Variants in CADM4 observed in about 807,000 individuals in gnomAD.
CADM4 encodes cell adhesion molecule 4.
In CADM4, 13 loss-of-function variants were observed where a neutral mutation model predicts 43.9. The ratio of observed to expected loss-of-function variants is 0.30; its 90% CI spans 0.19 to 0.47. The LOEUF (loss-of-function observed/expected upper bound fraction) is 0.47. Ranked by LOEUF, CADM4 falls within the 20% of genes least tolerant of loss-of-function variation. The pLI is 1.00. For missense variants in CADM4, 420 were observed against 527.0 expected (o/e 0.80, Z 1.99); for synonymous variants, 209 against 220.9 (o/e 0.95, Z 0.48).
In CADM4 at chr19:43,632,475, G is replaced by A. The variant is rs115802348; in HGVS notation, c.65-4685C>T. ...GCTTAAAACCCTCCGAGGGCTGCCC[G>A]TAACATGTAGAATAAAATAGAGACC... is the stretch of plus-strand genomic sequence containing the variant. On this transcript the variant is annotated intron_variant, in intron 1 of 8. Coordinates refer to ENST00000222374, the MANE Select transcript of CADM4 (RefSeq NM_145296.2). 7.9e-3 allele frequency among the ~76,000 whole-genome samples: 1,205 copies of A among 152,238 alleles called. 20 individuals are homozygous for A. Among genetic ancestry groups the A allele is most frequent in the African/African-American group, 0.027 (1,128 of 41,520 alleles).
At chr19:43,630,662 G>A (rs141059346) in intron 1 of CADM4, among the ~76,000 whole-genome samples, 2 of 152,240 alleles carry the variant, frequency 1.3e-5, no homozygotes, top group East Asian at 1.9e-4. Flanking sequence ...AAGAGTGGCA[G>A]TGCCAAAATC....
intron 1 of CADM4, among the ~76,000 whole-genome samples, chr19:43,635,295 A>G (rs981786529): frequency 6.6e-6 from 1 of 150,980 alleles, no homozygotes; most frequent in African/African-American, 2.4e-5. Flanking sequence ...GGGAGGTGGT[A>G]CATCCCTGCG....
Position 43,627,882 on chromosome 19 carries a change from A to G in CADM4, c.65-92T>C. 1 of 1,254,190 alleles carries G rather than the reference A, an allele frequency of 8.0e-7. No individual in the cohort carries two copies. The highest frequency in any genetic ancestry group is 1.4e-5 in the South Asian group (1 of 73,840). 77.7% of individuals were successfully genotyped at this position (1,254,190 alleles called of 1,614,324 possible). ...TCCCTCTTCCCCATCCAAACCTCCA[A>G]TCCCTCTCTTTCCCCTCATTCATTC... On this transcript the variant is annotated intron_variant, in intron 1 of 8. Transcript: ENST00000222374. The surrounding 1 kb of genome is among the most constrained non-coding windows in gnomAD (Gnocchi z 4.0).
rs560475570 is a variant in CADM4, at chr19:43,625,649, G to A, written c.755+262C>T. Among the ~76,000 whole-genome samples the A allele has an allele frequency of 6.6e-5, 10 of 152,192 alleles. No individual in the cohort carries two copies. The highest frequency in any genetic ancestry group is 2.2e-4 in the African/African-American group (9 of 41,524). On this transcript the variant is annotated intron_variant, in intron 6 of 8. Coordinates refer to ENST00000222374, the MANE Select transcript of CADM4 (RefSeq NM_145296.2). The surrounding 1 kb of genome is among the most constrained non-coding windows in gnomAD (Gnocchi z 4.5). ...CATCCTCAGCAACCAGGAGTCTGAG[G>A]CTGCACAGCTTCAGTATTGGGGAGT... is the stretch of plus-strand genomic sequence containing the variant.
Position 43,627,909 on chromosome 19 carries a change from A to T in CADM4, c.65-119T>A. 1.0e-6 allele frequency: 1 copy of T among 997,944 alleles called. No homozygotes were observed. Among genetic ancestry groups the T allele is most frequent in the Admixed American group, 2.1e-5 (1 of 47,706 alleles). 61.8% of individuals were successfully genotyped at this position (997,944 alleles called of 1,614,324 possible). On this transcript the variant is annotated intron_variant, in intron 1 of 8. Coordinates refer to ENST00000222374, the MANE Select transcript of CADM4 (RefSeq NM_145296.2). The surrounding 1 kb of genome is among the most constrained non-coding windows in gnomAD (Gnocchi z 4.0). Reference sequence around the variant, plus strand: ...CCCTCTCTTTCCCCTCATTCATTCCATTGCACTGAACATTTCCTGCAGGCT... The same window carrying T: ...CCCTCTCTTTCCCCTCATTCATTCCTTTGCACTGAACATTTCCTGCAGGCT...
chr19:43,626,186 G>C lies in CADM4; in HGVS notation c.602C>G (p.Ala201Gly), dbSNP rs202129427. 6.6e-5 allele frequency: 106 copies of C among 1,613,852 alleles called. 2 individuals carry two copies. In the East Asian group the frequency reaches 2.1e-3, roughly 32 times the overall value. The change falls in exon 5 of 9, where the codon GCG becomes GGG. Residue 201 changes from alanine to glycine, a missense_variant. Ala to Gly is a moderately conservative substitution (Grantham distance 60). Transcript: ENST00000222374. This position sits in a 1 kb window ranked among gnomAD's most constrained non-coding sequence, Gnocchi z 5.9. Reference protein sequence around the residue: ...KDDGGIIICEAQNQALPSGHS... With the variant: ...KDDGGIIICEGQNQALPSGHS... ...TCCGGAGGGCAGCGCCTGGTTCTGC[G>C]CCTCACAGATGATGATACCACCGTC... is the stretch of plus-strand genomic sequence containing the variant.
Position 43,625,033 on chromosome 19 carries a change from C to G in CADM4, c.928+45G>C, listed in dbSNP as rs1973499814. ...TTTGCTCAAGCCCCGCCCCCGCCAC[C>G]TGGCGCCCCGCCCCCGCCCTCAGTC... On this transcript the variant is annotated intron_variant, in intron 7 of 8. Coordinates refer to ENST00000222374, the MANE Select transcript of CADM4 (RefSeq NM_145296.2). This position sits in a 1 kb window ranked among gnomAD's most constrained non-coding sequence, Gnocchi z 4.5. The G allele has an allele frequency of 7.1e-7, 1 of 1,400,582 alleles. No homozygotes were observed. Among genetic ancestry groups the G allele is most frequent in the Non-Finnish European group, 9.5e-7 (1 of 1,050,688 alleles). 86.8% of individuals were successfully genotyped at this position (1,400,582 alleles called of 1,614,324 possible).
Position 43,639,793 on chromosome 19 carries a change from T to G in CADM4, c.-3A>C. On this transcript the variant is annotated 5_prime_UTR_variant, in exon 1 of 9. Coordinates refer to ENST00000222374, the MANE Select transcript of CADM4 (RefSeq NM_145296.2). ...TGGAAGCGCCGGGCCCGGCCCATGG[T>G]GCCGCCGCCGCCGCCGCCGCCGCTC... 1 of 997,332 alleles carries G rather than the reference T, an allele frequency of 1.0e-6. No homozygotes were observed. Among genetic ancestry groups the G allele is most frequent in the Non-Finnish European group, 1.2e-6 (1 of 842,634 alleles). The allele number at this position is 997,332 out of a possible 1,614,324, so 61.8% of individuals were successfully genotyped here.
At chr19:43,633,025 T>C (rs112870666) in intron 1 of CADM4, among the ~76,000 whole-genome samples, 25,866 of 148,982 alleles carry the variant, frequency 0.17, 2,453 homozygotes, top group East Asian at 0.22. Context: ...TGAGCCGAGA[T>C]TGAGCCACTG....
rs2146131114 is a variant in CADM4 at position 43,622,679 on chromosome 19, A to G, written c.*651T>C. On this transcript the variant is annotated 3_prime_UTR_variant, in exon 9 of 9. Coordinates refer to ENST00000222374, the MANE Select transcript of CADM4 (RefSeq NM_145296.2). ...CCCCCCCAGGAGTGGGTGGACAGAG[A>G]GACAAATATGGATGGGACAGACGTT... 1 of 152,412 alleles carries G rather than the reference A, an allele frequency of 6.6e-6. No homozygotes were observed. The highest frequency in any genetic ancestry group is 1.9e-4 in the East Asian group (1 of 5,148). 9.4% of individuals were successfully genotyped at this position (152,412 alleles called of 1,614,324 possible). A position where few individuals can be genotyped will look rare whatever the true frequency, so the allele number is the denominator to read the frequency against.
Position 43,627,045 on chromosome 19 carries a change from G to A in CADM4, c.364+121C>T. The A allele has an allele frequency of 6.7e-7, 1 of 1,483,158 alleles. No individual in the cohort carries two copies. Among genetic ancestry groups the A allele is most frequent in the Non-Finnish European group, 9.0e-7 (1 of 1,106,092 alleles). The allele number at this position is 1,483,158 out of a possible 1,614,324, so 91.9% of individuals were successfully genotyped here. A position where few individuals can be genotyped will look rare whatever the true frequency, so the allele number is the denominator to read the frequency against. On this transcript the variant is annotated intron_variant, in intron 3 of 8. Transcript: ENST00000222374. The surrounding 1 kb of genome is among the most constrained non-coding windows in gnomAD (Gnocchi z 4.0). ...CAGGTGGCAGGGGTCAAAGGGGAGA[G>A]GTCAGGAGCCAGATGCCCATCCAGG... is the stretch of plus-strand genomic sequence containing the variant.
intron 1 of CADM4, among the ~76,000 whole-genome samples, chr19:43,638,889 TAGAG>T (rs1286866154): frequency 1.3e-5 from 2 of 151,610 alleles, no homozygotes; most frequent in African/African-American, 2.4e-5. Flanking sequence ...CACAGAGGGA[TAGAG>T]AGAGGGAGGA....
Position 43,625,947 on chromosome 19 carries a change from G to T in CADM4, c.719C>A (p.Thr240Lys). ...CGTGACAGCACACGTCAACACCAGCGTGTCTCCCTCCCTCACCACAGCTTG... is the reference window on the plus strand; with the variant it reads ...CGTGACAGCACACGTCAACACCAGCTTGTCTCCCTCCCTCACCACAGCTTG... ...ASQAVVREGDTLVLTCAVTGN... is the reference protein window; with the variant it reads ...ASQAVVREGDKLVLTCAVTGN... The change falls in exon 6 of 9, where the codon ACG (threonine) becomes AAG (lysine). Residue 240 changes from threonine (T) to lysine (K), a missense_variant. By Grantham distance (78) the Thr-to-Lys change is moderately conservative. Transcript: ENST00000222374. This position sits in a 1 kb window ranked among gnomAD's most constrained non-coding sequence, Gnocchi z 4.5. 1 of 1,614,162 alleles carries T rather than the reference G, an allele frequency of 6.2e-7. No homozygotes were observed. The highest frequency in any genetic ancestry group is 2.2e-5 in the East Asian group (1 of 44,876).
chr19:43,627,625 T>G lies in CADM4; in HGVS notation c.211+19A>C. On this transcript the variant is annotated intron_variant, in intron 2 of 8. Transcript: ENST00000222374. This position sits in a 1 kb window ranked among gnomAD's most constrained non-coding sequence, Gnocchi z 4.0. ...CCTCTCTTCCTTTAAGACTCCTGAG[T>G]CTGGTCCCCAGCACTCACCACGGGT... 6.2e-7 allele frequency: 1 copy of G among 1,607,722 alleles called. No homozygotes were observed. The highest frequency in any genetic ancestry group is 8.5e-7 in the Non-Finnish European group (1 of 1,175,064).
At chr19:43,639,609 G>GGGCCC in intron 1 of CADM4, 118 bp downstream of exon 1, 1 of 588,606 alleles carries the variant, frequency 1.7e-6, no homozygotes, top group Non-Finnish European at 2.1e-6. Context: ...CCCGGGGAGG[G>GGGCCC]GGCCCGGCCC....
At chr19:43,635,041 A>G (rs567276505) in intron 1 of CADM4, among the ~76,000 whole-genome samples, 2 of 151,136 alleles carry the variant, frequency 1.3e-5, no homozygotes, top group African/African-American at 4.9e-5. Flanking sequence ...TAGCTTAGAC[A>G]CAGGAGTCTG....
At position 43,626,765 on chromosome 19, in the gene CADM4, A is replaced by G; in HGVS notation, c.499+19T>C. ...TCCCACCTCCTCCCCATCCCTTGTC[A>G]GCACTCGGCCCAGGGTACCTTTCAG... On this transcript the variant is annotated intron_variant, in intron 4 of 8. Transcript: ENST00000222374. This position sits in a 1 kb window ranked among gnomAD's most constrained non-coding sequence, Gnocchi z 5.9. 6.4e-7 allele frequency: 1 copy of G among 1,550,870 alleles called. No homozygotes were observed. The highest frequency in any genetic ancestry group is 8.7e-7 in the Non-Finnish European group (1 of 1,145,506).
intron 1 of CADM4, among the ~76,000 whole-genome samples, chr19:43,628,668 T>C (rs1466795565): frequency 6.6e-6 from 1 of 152,212 alleles, no homozygotes; most frequent in Admixed American, 6.5e-5. Flanking sequence ...TGAGAGTTGC[T>C]TTGACCAATA....
In CADM4 at chr19:43,624,128, G is replaced by C; in HGVS notation, c.1043C>G (p.Ser348Trp). 6.2e-7 allele frequency: 1 copy of C among 1,614,120 alleles called. No homozygotes were observed. The highest frequency in any genetic ancestry group is 8.5e-7 in the Non-Finnish European group (1 of 1,180,018). The stretch of plus-strand genomic sequence containing the variant: ...GTCCCACTCACCCTTCTGCCGTACC[G>C]AGCACCAGACCATGCCCACTAGCAC... ...ICVLVGMVWCSVRQKGSYLTH... is the reference protein window; with the variant it reads ...ICVLVGMVWCWVRQKGSYLTH... Residue 348 changes from serine to tryptophan, a missense_variant, in exon 8 of 9, where the codon TCG (serine) becomes TGG (tryptophan). By Grantham distance (177) the Ser-to-Trp change is radical. Coordinates refer to ENST00000222374, the MANE Select transcript of CADM4 (RefSeq NM_145296.2).
Sources: gnomAD v4.1 joint callset for allele counts (sites outside exome capture counted in the v4.1 genomes callset) on GRCh38, gnomAD v4.1.1 for gene constraint, Gnocchi (gnomAD v3.1) non-coding constraint, MANE v1.5 for transcripts, NCBI Gene and HGNC (gene_info 2026-07-23, HGNC 2026-07-21) for gene names.